NHSL1: variants seen among roughly 807,000 people sequenced by gnomAD.
NHSL1 encodes the protein NHS like 1, also known as NHS-like protein 1.
NHSL1 carries 48 observed loss-of-function variants against 95.0 expected under a neutral mutation model. That is an observed-to-expected ratio of 0.51 (90% CI 0.40 to 0.64). The LOEUF (loss-of-function observed/expected upper bound fraction) is 0.64. Among genes scored for constraint, NHSL1 ranks in the 30% least tolerant of loss-of-function variants. The pLI is 0.00. For synonymous variants in NHSL1, 783 were observed against 833.9 expected, an observed-to-expected ratio of 0.94 and a Z score of 1.05; for missense variants, 1,971 against 2,077.7, an observed-to-expected ratio of 0.95 and a Z score of 1.00.
chr6:138,613,005 A>G (rs12201629), intron 1 of NHSL1, among the ~76,000 whole-genome samples: 129 of 152,272 alleles, frequency 8.5e-4, no homozygotes, highest in Non-Finnish European at 1.5e-3. Context: ...CTGTATTGAG[A>G]GCTAATGGAA....
At chr6:138,550,881 C>T (rs1164530410) in intron 1 of NHSL1, among the ~76,000 whole-genome samples, 1 of 152,102 alleles carries the variant, frequency 6.6e-6, no homozygotes, top group Non-Finnish European at 1.5e-5. Flanking sequence ...CCAAAAAGCC[C>T]AGATAAAGAT....
intron 1 of NHSL1, among the ~76,000 whole-genome samples, chr6:138,523,627 G>GAAAAAAAAAAT (rs1781775079): frequency 1.5e-5 from 1 of 64,890 alleles, no homozygotes; most frequent in African/African-American, 5.6e-5. Flanking sequence ...TTTTAAAGAG[G>GAAAAAAAAAAT]AAAAAAAAAA....
In NHSL1 at chr6:138,610,053, C is replaced by T. The variant is rs370816802; in HGVS notation, c.96+82423G>A. On this transcript the variant is annotated intron_variant, in intron 1 of 3. Coordinates refer to the NHSL1 transcript ENST00000491526. ...ATTCTCACTTTTCTTCCCCATAACA[C>T]CCCCACCTGTTTCAACTTCCACAAG... Among the ~76,000 whole-genome samples, 268 of 152,238 alleles carry T rather than the reference C, an allele frequency of 1.8e-3. 6 individuals are homozygous for T. In the South Asian group the frequency reaches 0.054, roughly 31 times the overall value.
rs1344025248 is a variant in NHSL1, at chr6:138,433,235, T to C, written c.1110A>G (p.Leu370=). 1 of 1,551,438 alleles carries C rather than the reference T, an allele frequency of 6.4e-7. No homozygotes were observed. The highest frequency in any genetic ancestry group is 1.4e-5 in the African/African-American group (1 of 73,082). The part of the protein sequence containing the change: ...HPQADENLGH[L]GGASGTGTLL... ...GTGTTCCAGTCCCTGAGGCACCTCC[T>C]AAATGGCCTAAGTTTTCATCTGCTT... The change falls in exon 6 of 8, where the codon TTA becomes TTG. Residue 370 remains leucine, a synonymous_variant. Coordinates refer to ENST00000343505, the MANE Select transcript of NHSL1 (RefSeq NM_001144060.2).
intron 1 of NHSL1, among the ~76,000 whole-genome samples, chr6:138,644,717 A>G (rs1784995204): frequency 6.6e-6 from 1 of 152,258 alleles, no homozygotes; most frequent in Non-Finnish European, 1.5e-5. Flanking sequence ...GTGATAAGAA[A>G]CAAAATGAAG....
In NHSL1 at chr6:138,473,432, T is replaced by A; in HGVS notation, c.213A>T (p.Glu71Asp). 5 of 1,493,994 alleles carry A rather than the reference T, an allele frequency of 3.3e-6. No homozygotes were observed. The highest frequency in any genetic ancestry group is 4.5e-6 in the Non-Finnish European group (5 of 1,117,394). The allele number at this position is 1,493,994 out of a possible 1,614,324, so 92.5% of individuals were successfully genotyped here. A position where few individuals can be genotyped will look rare whatever the true frequency, so the allele number is the denominator to read the frequency against. ...AKLNLKSVLR[E>D]CDKLRHDGYR... ...AGCCATCATGCCGCAACTTATCGCA[T>A]TCTGCAGAGGGGCACGCAGGGAGGG... Residue 71 changes from glutamate to aspartate, a missense_variant and splice_region_variant, in exon 3 of 8, where the codon GAA (glutamate) becomes GAT (aspartate). By Grantham distance (45) the Glu-to-Asp change is conservative (BLOSUM62 2). Around this residue, in one of 3 missense-constraint regions of NHSL1, gnomAD observed 1,602 missense variants for 1,654.5 expected, o/e 0.97. Transcript: ENST00000343505.
In NHSL1 at chr6:138,437,361, TATATATATATACAC is replaced by T. The variant is rs1349950748; in HGVS notation, c.665-3695_665-3682del. 1.6e-3 allele frequency among the ~76,000 whole-genome samples: 85 copies of T among 54,074 alleles called. 2 individuals carry two copies. Among genetic ancestry groups the T allele is most frequent in the African/African-American group, 7.2e-3 (71 of 9,880 alleles). The allele number at this position is 54,074 out of a possible 152,430, so 35.5% of individuals were successfully genotyped here. A position where few individuals can be genotyped will look rare whatever the true frequency, so the allele number is the denominator to read the frequency against. On this transcript the variant is annotated intron_variant, in intron 5 of 7. Coordinates refer to ENST00000343505, the MANE Select transcript of NHSL1 (RefSeq NM_001144060.2). ...ATATATACACATATATATATACACA[TATATATATATACAC>T]ATATATATATACACATATATATATA... is the stretch of plus-strand genomic sequence containing the variant.
intron 1 of NHSL1, among the ~76,000 whole-genome samples, chr6:138,541,710 G>A (rs777256030): frequency 5.3e-5 from 8 of 152,164 alleles, no homozygotes; most frequent in Non-Finnish European, 8.8e-5. Context: ...TTCTCAGCGG[G>A]ATAAAAGTTC....
At chr6:138,434,610 A>G (rs1775951081) in intron 5 of NHSL1, among the ~76,000 whole-genome samples, 1 of 152,184 alleles carries the variant, frequency 6.6e-6, no homozygotes, top group African/African-American at 2.4e-5. Flanking sequence ...AATCCTTAAG[A>G]CAAATCGAAT....
At chr6:138,623,609 C>T (rs1334604467) in intron 1 of NHSL1, among the ~76,000 whole-genome samples, 10 of 152,104 alleles carry the variant, frequency 6.6e-5, no homozygotes, top group Non-Finnish European at 1.2e-4. Context: ...TGTACAATAG[C>T]TCTCCTGAAA....
At chr6:138,645,527 G>T (rs1785007154) in intron 1 of NHSL1, among the ~76,000 whole-genome samples, 2 of 143,858 alleles carry the variant, frequency 1.4e-5, no homozygotes, top group African/African-American at 5.2e-5. Flanking sequence ...TTTTTTTTTG[G>T]GACAGAGTCT....
intron 1 of NHSL1, among the ~76,000 whole-genome samples, chr6:138,644,001 T>TAA (rs375486600): frequency 6.2e-5 from 8 of 128,030 alleles, no homozygotes; most frequent in South Asian, 2.5e-4. Context: ...CATCTAAGAT[T>TAA]AAAAAAAAAA....
intron 3 of NHSL1, among the ~76,000 whole-genome samples, chr6:138,449,382 TATC>T (rs1203833393): frequency 1.3e-5 from 2 of 151,876 alleles, no homozygotes; most frequent in Non-Finnish European, 2.9e-5. Context: ...GACTGTTAAA[TATC>T]ATGGATATGG....
At chr6:138,514,871 T>C (rs2128303772) in intron 1 of NHSL1, among the ~76,000 whole-genome samples, 1 of 152,258 alleles carries the variant, frequency 6.6e-6, no homozygotes, top group East Asian at 1.9e-4. Context: ...TGCAGTGAGC[T>C]GTGGTCACAC....
At position 138,430,672 on chromosome 6, in the gene NHSL1, G is replaced by A. The variant is rs1158795910; in HGVS notation, c.3673C>T (p.Arg1225Ter). Residue 1225 changes from arginine to a stop codon, truncating the protein, a stop_gained, in exon 6 of 8, where the codon CGA (arginine) becomes TGA (stop). Transcript: ENST00000343505. LOFTEE classifies it high-confidence loss of function. This position sits in a 1 kb window ranked among gnomAD's most constrained non-coding sequence, Gnocchi z 4.7. ...CCCGTCGTGGGGCTGGGCACAGCTC[G>A]GAGGGCTTCGCTCACGTTCTCTGCG... ...EPAENVSEAL[R>*]AVPSPTTGEE... 4.5e-6 allele frequency: 7 copies of A among 1,551,674 alleles called. No individual in the cohort carries two copies. The highest frequency in any genetic ancestry group is 2.4e-5 in the East Asian group (1 of 40,914).
Position 138,591,840 on chromosome 6 carries a change from G to A in NHSL1, c.97-95469C>T, listed in dbSNP as rs141537826. On this transcript the variant is annotated intron_variant, in intron 1 of 3. Coordinates refer to the NHSL1 transcript ENST00000491526. ...CACGTGGATCATCCTTCTGTGCAGC[G>A]GATCCATGCTGTGGACACACACTCT... is the stretch of plus-strand genomic sequence containing the variant. Among the ~76,000 whole-genome samples, 41 of 152,208 alleles carry A rather than the reference G, an allele frequency of 2.7e-4. 1 individual carries two copies. The East Asian group carries it at 7.1e-3, about 26-fold the overall frequency.
rs1775134312 is a variant in NHSL1, at chr6:138,424,618, A to C, written c.4284T>G (p.Ser1428Arg). ...ACATGCGGGCGCTGGTGTCTGAACG[A>C]CTGCCCTTTTTCAGCAGCAGAGCTT... ...NFKALLLKKG[S>R]RSDTSARMSA... is the part of the protein sequence containing the mutation. The change falls in exon 8 of 8, where the codon AGT (serine) becomes AGG (arginine). Residue 1428 changes from serine to arginine, a missense_variant. Coordinates refer to ENST00000343505, the MANE Select transcript of NHSL1 (RefSeq NM_001144060.2). The surrounding 1 kb of genome is among the most constrained non-coding windows in gnomAD (Gnocchi z 5.9). 1 of 1,551,192 alleles carries C rather than the reference A, an allele frequency of 6.4e-7. No homozygotes were observed. Among genetic ancestry groups the C allele is most frequent in the Non-Finnish European group, 8.7e-7 (1 of 1,146,914 alleles).
rs1775064959 is a variant in NHSL1, at chr6:138,423,839, A to AAAAAAAAAAAC, written c.*241_*242insGTTTTTTTTTT. On this transcript the variant is annotated 3_prime_UTR_variant, in exon 8 of 8. Coordinates refer to ENST00000343505, the MANE Select transcript of NHSL1 (RefSeq NM_001144060.2). ...GCAAAAAAAAAAAAAAAAAAAAAAAATCTTCCCCGGGAAGCACTTTCAGAA... is the reference window on the plus strand; with the variant it reads ...GCAAAAAAAAAAAAAAAAAAAAAAAAAAAAAAAAAACTCTTCCCCGGGAAGCACTTTCAGAA... 1 of 309,852 alleles carries AAAAAAAAAAAC rather than the reference A, an allele frequency of 3.2e-6. No individual in the cohort carries two copies. The highest frequency in any genetic ancestry group is 2.3e-5 in the African/African-American group (1 of 42,702). The allele number at this position is 309,852 out of a possible 1,614,324, so 19.2% of individuals were successfully genotyped here.
chr6:138,616,398 A>T (rs997011797), intron 1 of NHSL1, among the ~76,000 whole-genome samples: 12 of 152,172 alleles, frequency 7.9e-5, no homozygotes, highest in African/African-American at 2.7e-4. Context: ...CACTGGGATG[A>T]GTAGCAACAT....
Sources: gnomAD v4.1 joint callset for allele counts (sites outside exome capture counted in the v4.1 genomes callset) on GRCh38, gnomAD v4.1.1 for gene constraint, gnomAD v4.1.1 regional missense constraint, Gnocchi (gnomAD v3.1) non-coding constraint, MANE v1.5 for transcripts, NCBI Gene and HGNC (gene_info 2026-07-23, HGNC 2026-07-21) for gene names.